TMEM98: variants seen among roughly 807,000 people sequenced by gnomAD.
TMEM98 encodes transmembrane protein 98.
A neutral mutation model predicts 25.0 loss-of-function variants in TMEM98; 18 were observed. The observed-to-expected ratio is 0.72, with a 90% CI of 0.50 to 1.07. TMEM98 has a LOEUF of 1.07. Ranked by LOEUF, TMEM98 falls within the 50% of genes least tolerant of loss-of-function variation. The pLI, the probability that TMEM98 is intolerant of heterozygous loss-of-function variation, is 0.00. For synonymous variants in TMEM98, 103 were observed against 112.4 expected (o/e 0.92, Z 0.53); for missense variants, 241 against 289.0 (o/e 0.83, Z 1.20).
At chr17:32,938,492 A>G (rs1016274120) in intron 6 of TMEM98, among the ~76,000 whole-genome samples, 1 of 152,118 alleles carries the variant, frequency 6.6e-6, no homozygotes, top group Non-Finnish European at 1.5e-5. Context: ...TCGAGTGTTC[A>G]TGAGCAAAGA....
At chr17:32,932,468 A>G (rs2151111484) in intron 3 of TMEM98, among the ~76,000 whole-genome samples, 1 of 152,290 alleles carries the variant, frequency 6.6e-6, no homozygotes, top group Admixed American at 6.5e-5. Context: ...TCTATTTTCA[A>G]TTTAGGGATA....
At chr17:32,937,047 T>G (rs1264715262) in intron 6 of TMEM98, among the ~76,000 whole-genome samples, 1 of 152,240 alleles carries the variant, frequency 6.6e-6, no homozygotes, top group East Asian at 1.9e-4. Flanking sequence ...GGGCTTGATA[T>G]CGTGAGGAAA....
In TMEM98 at chr17:32,936,320, C is replaced by T. The variant is rs1158686324; in HGVS notation, c.298-12C>T. ...AGGTCAGCCCTCATCTCTCTCCTCC[C>T]TGCCGCATTAGATTTGTCACACTCT... On this transcript the variant is annotated splice_polypyrimidine_tract_variant and intron_variant, in intron 5 of 7. Transcript: ENST00000579849. 1 of 1,611,366 alleles carries T rather than the reference C, an allele frequency of 6.2e-7. No individual in the cohort carries two copies. Among genetic ancestry groups the T allele is most frequent in the Admixed American group, 1.7e-5 (1 of 59,932 alleles).
intron 7 of TMEM98, among the ~76,000 whole-genome samples, chr17:32,940,062 G>C (rs543799853): frequency 6.6e-6 from 1 of 152,128 alleles, no homozygotes; most frequent in Non-Finnish European, 1.5e-5. Flanking sequence ...AGATTCTTTC[G>C]TGCCTTGGAT....
At chr17:32,940,016 T>C (rs886787290) in intron 7 of TMEM98, among the ~76,000 whole-genome samples, 4 of 152,238 alleles carry the variant, frequency 2.6e-5, no homozygotes, top group Non-Finnish European at 4.4e-5. Flanking sequence ...GAAATTGTTA[T>C]GTTCCTATAC....
rs776376001 is a variant in TMEM98 at position 32,936,466 on chromosome 17, C to T, written c.413+19C>T. The T allele has an allele frequency of 1.7e-5, 27 of 1,605,386 alleles. No individual in the cohort carries two copies. The East Asian group carries it at 3.3e-4, about 20-fold the overall frequency. ...GCCCCAGGTGAGCAATTGGCGGCTT[C>T]GAGGTCCCCACACTCCCTGAGGGAA... On this transcript the variant is annotated intron_variant, in intron 6 of 7. Transcript: ENST00000579849.
chr17:32,933,160 G>A lies in TMEM98; in HGVS notation c.132-14G>A, dbSNP rs770346146. The A allele has an allele frequency of 3.0e-5, 49 of 1,613,776 alleles. No homozygotes were observed. Among genetic ancestry groups the A allele is most frequent in the South Asian group, 9.9e-5 (9 of 91,058 alleles). ...CCCACCATGAAACCATTTAACGGGG[G>A]CCTTTTCTTCCAGGCCCATTGTGGA... On this transcript the variant is annotated splice_polypyrimidine_tract_variant and intron_variant, in intron 3 of 7. Coordinates refer to ENST00000579849, the MANE Select transcript of TMEM98 (RefSeq NM_015544.3).
At position 32,934,353 on chromosome 17, in the gene TMEM98, A is replaced by G. The variant is rs370603990; in HGVS notation, c.297+29A>G. ...ACCCTCTCTTATTTCTCTGTGGGAT[A>G]AAGGGTAGTCGAAAAGCACCACTGT... is the stretch of plus-strand genomic sequence containing the variant. On this transcript the variant is annotated intron_variant, in intron 5 of 7. Coordinates refer to ENST00000579849, the MANE Select transcript of TMEM98 (RefSeq NM_015544.3). The G allele has an allele frequency of 6.8e-6, 11 of 1,613,654 alleles. No individual in the cohort carries two copies. The African/African-American group carries it at 1.2e-4, about 18-fold the overall frequency.
chr17:32,933,044 G>A (rs1023848263), intron 3 of TMEM98, 130 bp from the exon 4 acceptor site: 15 of 1,341,806 alleles, frequency 1.1e-5, no homozygotes, highest in Middle Eastern at 2.5e-4. Flanking sequence ...GTTTGGATCC[G>A]GGACAAGTGG....
chr17:32,928,337 T>G (rs1025381266), intron 1 of TMEM98, 100 bp downstream of exon 1: 4 of 147,186 alleles, frequency 2.7e-5, no homozygotes, highest in East Asian at 4.1e-4. Flanking sequence ...GGGAGGCGGG[T>G]GCCGCAGCTT....
At chr17:32,938,772 C>G (rs2091511459) in intron 6 of TMEM98, among the ~76,000 whole-genome samples, 3 of 152,196 alleles carry the variant, frequency 2.0e-5, no homozygotes. Context: ...GAAAAAACCA[C>G]TATTAAGTGG....
chr17:32,931,333 A>G lies in TMEM98; in HGVS notation c.-124A>G. 1 of 587,992 alleles carries G rather than the reference A, an allele frequency of 1.7e-6. No homozygotes were observed. The highest frequency in any genetic ancestry group is 2.8e-6 in the Non-Finnish European group (1 of 356,592). 36.4% of individuals were successfully genotyped at this position (587,992 alleles called of 1,614,324 possible). ...TTACCTTGGTTCTCTTCAGGCCCTC[A>G]GGTCTCTGCAGGTGTCGTGGAGGAA... On this transcript the variant is annotated 5_prime_UTR_variant, in exon 2 of 8. Coordinates refer to ENST00000579849, the MANE Select transcript of TMEM98 (RefSeq NM_015544.3).
chr17:32,931,568 A>G lies in TMEM98; in HGVS notation c.40A>G (p.Thr14Ala), dbSNP rs1169810627. The G allele has an allele frequency of 1.2e-6, 2 of 1,604,798 alleles. No homozygotes were observed. The highest frequency in any genetic ancestry group is 2.2e-5 in the East Asian group (1 of 44,748). Residue 14 changes from threonine (T) to alanine (A), a missense_variant, in exon 3 of 8, where the codon ACC (threonine) becomes GCC (alanine). Physicochemically the swap from Thr to Ala is moderately conservative, Grantham distance 58. Transcript: ENST00000579849. ...GATTGTTGCCATAGGTGTGCTGGCCACCATCTTTCTGGCTTCGTTTGCAGC... is the reference window on the plus strand; with the variant it reads ...GATTGTTGCCATAGGTGTGCTGGCCGCCATCTTTCTGGCTTCGTTTGCAGC... Reference protein sequence around the residue: ...VVIVAIGVLATIFLASFAALV... With the variant: ...VVIVAIGVLAAIFLASFAALV...
rs2091525298 is a variant in TMEM98 at position 32,940,771 on chromosome 17, T to C, written c.474-15T>C. ...TTTCCTAGGAAACCTGACCCTATTT[T>C]CTTTTTTTCCCTAGGACGACTGCCC... is the stretch of plus-strand genomic sequence containing the variant. On this transcript the variant is annotated splice_polypyrimidine_tract_variant and intron_variant, in intron 7 of 7. Transcript: ENST00000579849. The C allele has an allele frequency of 6.2e-7, 1 of 1,605,966 alleles. No homozygotes were observed. Among genetic ancestry groups the C allele is most frequent in the African/African-American group, 1.3e-5 (1 of 74,356 alleles).
chr17:32,936,512 G>T (rs878994702), intron 6 of TMEM98, 65 bp downstream of exon 6: 52 of 1,410,362 alleles, frequency 3.7e-5, no homozygotes, highest in African/African-American at 1.4e-5. Context: ...GGAAGCTGGG[G>T]TAGCCGCAGA....
chr17:32,935,760 C>G (rs1360380923), intron 5 of TMEM98, among the ~76,000 whole-genome samples: 3 of 152,176 alleles, frequency 2.0e-5, no homozygotes, highest in South Asian at 2.1e-4. Flanking sequence ...GTGGCCAGCT[C>G]TGTGGGTGGG....
intron 6 of TMEM98, among the ~76,000 whole-genome samples, chr17:32,937,047 T>C (rs1264715262): frequency 6.6e-6 from 1 of 152,240 alleles, no homozygotes; most frequent in African/African-American, 2.4e-5. Context: ...GGGCTTGATA[T>C]CGTGAGGAAA....
At position 32,936,405 on chromosome 17, in the gene TMEM98, G is replaced by C. The variant is rs774094477; in HGVS notation, c.371G>C (p.Ser124Thr). The change falls in exon 6 of 8, where the codon AGT becomes ACT. Residue 124 changes from serine to threonine, a missense_variant. Transcript: ENST00000579849. ...GGGGCCAAGATGAAGACTTCAGCCA[G>C]TGTCAGCGACATCATTGTGGTGGCC... ...GSGAKMKTSA[S>T]VSDIIVVAKR... 1.1e-5 allele frequency: 17 copies of C among 1,614,118 alleles called. No homozygotes were observed. The highest frequency in any genetic ancestry group is 1.7e-5 in the Admixed American group (1 of 60,004).
intron 3 of TMEM98, 88 bp downstream of exon 3, chr17:32,931,747 T>A: frequency 4.0e-6 from 6 of 1,488,266 alleles, no homozygotes; most frequent in Non-Finnish European, 5.4e-6. Flanking sequence ...TGGGCAACTC[T>A]AACTCAGCTT....
Sources: allele counts gnomAD v4.1 joint callset (sites outside exome capture counted in the v4.1 genomes callset), GRCh38; gene constraint gnomAD v4.1.1; transcripts MANE v1.5; gene names NCBI Gene and HGNC (gene_info 2026-07-23, HGNC 2026-07-21).